DHX37: variants seen among roughly 807,000 people sequenced by gnomAD.
DHX37 encodes the protein DEAH-box helicase 37.
In DHX37, 52 loss-of-function variants were observed where a neutral mutation model predicts 134.3. That is an observed-to-expected ratio of 0.39 (90% CI 0.31 to 0.49). The LOEUF (loss-of-function observed/expected upper bound fraction) is 0.49. DHX37 is among the 20% of genes least tolerant of loss of function. DHX37 has a pLI of 0.93. For synonymous variants in DHX37, 634 were observed against 670.7 expected (o/e 0.95, Z 0.85); for missense variants, 1,344 against 1,580.8 (o/e 0.85, Z 2.54).
chr12:124,948,285 C>G, intron 25 of DHX37, 104 bp from the exon 26 acceptor site: 1 of 1,481,734 alleles, frequency 6.7e-7, no homozygotes, highest in Non-Finnish European at 9.0e-7. Context: ...CCAGCCCCAC[C>G]CAGGAGGGTG....
rs1954746136 is a variant in DHX37, at chr12:124,980,861, A to G, written c.390-23T>C. 1.3e-6 allele frequency: 2 copies of G among 1,540,622 alleles called. No homozygotes were observed. Among genetic ancestry groups the G allele is most frequent in the African/African-American group, 2.7e-5 (2 of 73,148 alleles). On this transcript the variant is annotated intron_variant, in intron 3 of 26. Transcript: ENST00000308736. The surrounding 1 kb of genome is among the most constrained non-coding windows in gnomAD (Gnocchi z 5.3). ...TTCCTGTTGAGATAGCAGAGACTTCAGGCACAGAGGCCCCACCTCAATCCC... is the reference window on the plus strand; with the variant it reads ...TTCCTGTTGAGATAGCAGAGACTTCGGGCACAGAGGCCCCACCTCAATCCC...
rs374843815 is a variant in DHX37, at chr12:124,949,153, G to T, written c.3290+833C>A. On this transcript the variant is annotated intron_variant, in intron 25 of 26. Transcript: ENST00000308736. The surrounding 1 kb of genome is among the most constrained non-coding windows in gnomAD (Gnocchi z 4.0). ...GCAACGCTGCTGTGGGACAGAGATC[G>T]TGTCTGTATCCCAGCCCCGAGAACA... 3.0e-4 allele frequency among the ~76,000 whole-genome samples: 46 copies of T among 152,320 alleles called. No individual in the cohort carries two copies. The highest frequency in any genetic ancestry group is 9.6e-4 in the African/African-American group (40 of 41,558).
At chr12:124,968,679 G>A (rs543175724) in intron 9 of DHX37, 31 bp from the exon 10 acceptor site, 13 of 1,603,212 alleles carry the variant, frequency 8.1e-6, no homozygotes, top group Non-Finnish European at 1.1e-5. Flanking sequence ...CATGGGGAGT[G>A]GGGGGGACAC....
intron 1 of DHX37, among the ~76,000 whole-genome samples, chr12:124,986,897 C>A (rs1022963620): frequency 4.0e-5 from 6 of 150,402 alleles, no homozygotes; most frequent in African/African-American, 1.5e-4. Context: ...AGGCATGTAC[C>A]ACCACGCCCC....
In DHX37 at chr12:124,950,380, G is replaced by A. The variant is rs1314322891; in HGVS notation, c.3121+33C>T. On this transcript the variant is annotated intron_variant, in intron 23 of 26. Transcript: ENST00000308736. ...TCCGAGAAGCCCACGGCTGCAGGAGGCTCAGGTTGCCCAGGACACTGCCCC... is the reference window on the plus strand; with the variant it reads ...TCCGAGAAGCCCACGGCTGCAGGAGACTCAGGTTGCCCAGGACACTGCCCC... 4 of 1,595,654 alleles carry A rather than the reference G, an allele frequency of 2.5e-6. No homozygotes were observed. In the Admixed American group the frequency reaches 6.9e-5, roughly 27 times the overall value.
intron 3 of DHX37, 113 bp downstream of exon 3, chr12:124,982,398 A>G (rs1036261692): frequency 2.4e-5 from 34 of 1,389,542 alleles, no homozygotes; most frequent in Non-Finnish European, 3.3e-5. Context: ...CACTCAGGCC[A>G]CCATAAAGGT....
intron 21 of DHX37, among the ~76,000 whole-genome samples, chr12:124,951,497 T>A (rs1358196783): frequency 6.6e-6 from 1 of 151,906 alleles, no homozygotes; most frequent in Non-Finnish European, 1.5e-5. Context: ...ATATGTGGGG[T>A]TTCTTTGTTG....
chr12:124,950,358 G>T, intron 23 of DHX37, 55 bp downstream of exon 23: 1 of 1,594,158 alleles, frequency 6.3e-7, no homozygotes, highest in Non-Finnish European at 8.5e-7. Flanking sequence ...CCGTGTGTCC[G>T]AGAAGCCCAC....
chr12:124,959,723 T>G (rs1176051718), intron 16 of DHX37, among the ~76,000 whole-genome samples: 1 of 152,250 alleles, frequency 6.6e-6, no homozygotes, highest in East Asian at 1.9e-4. Flanking sequence ...GAAGTTTTTA[T>G]GATTTTGAAC....
At position 124,948,119 on chromosome 12, in the gene DHX37, T is replaced by G. The variant is rs1247392146; in HGVS notation, c.3353A>C (p.Glu1118Ala). Residue 1118 changes from glutamate to alanine, a missense_variant, in exon 26 of 27, where the codon GAA (glutamate) becomes GCA (alanine). Transcript: ENST00000308736. ...TTTCTTCCAAGCAGCCAGCAAGGCT[T>G]CATGGCAGTCAGCCTTCTCTGCAAC... ...ALVAEKADCH[E>A]ALLAAWKKNP... 1.2e-6 allele frequency: 2 copies of G among 1,614,104 alleles called. No individual in the cohort carries two copies. The highest frequency in any genetic ancestry group is 1.7e-6 in the Non-Finnish European group (2 of 1,180,036).
At chr12:124,981,022 G>T (rs532987533) in intron 3 of DHX37, among the ~76,000 whole-genome samples, 184 bp from the exon 4 acceptor site, 1 of 151,950 alleles carries the variant, frequency 6.6e-6, no homozygotes, top group Non-Finnish European at 1.5e-5. Flanking sequence ...TAGCTGTCAG[G>T]GAGACTCCCT....
At chr12:124,961,302 GCACGCACA>G (rs1472868283) in intron 15 of DHX37, among the ~76,000 whole-genome samples, 42 of 139,674 alleles carry the variant, frequency 3.0e-4, no homozygotes, top group African/African-American at 1.1e-3. Flanking sequence ...ACGCGTGCAC[GCACGCACA>G]CACACTTACA....
In DHX37 at chr12:124,975,434, ATC is replaced by A; in HGVS notation, c.963_964del (p.Glu321AspfsTer15). 6.2e-7 allele frequency: 1 copy of A among 1,612,988 alleles called. No homozygotes were observed. ...GAGCCCTCACCGCTGGGACAGATTC[ATC>A]TCCTTGGCCACTCGCTGGGACATGG... On this transcript the variant is annotated frameshift_variant, in exon 6 of 27. Transcript: ENST00000308736. LOFTEE classifies it high-confidence loss of function.
At position 124,948,299 on chromosome 12, in the gene DHX37, A is replaced by T. The variant is rs146075601; in HGVS notation, c.3291-118T>A. The T allele has an allele frequency of 4.6e-4, 672 of 1,461,086 alleles. 4 individuals are homozygous for T. The African/African-American group carries it at 8.7e-3, about 19-fold the overall frequency. 90.5% of individuals were successfully genotyped at this position (1,461,086 alleles called of 1,614,324 possible). On this transcript the variant is annotated intron_variant, in intron 25 of 26. Transcript: ENST00000308736. ...ACCAGCCCCACCCAGGAGGGTGAAG[A>T]GCTGGCTGGGCATGGTGACATGCAC... is the stretch of plus-strand genomic sequence containing the variant.
chr12:124,988,707 A>C (rs536597751), intron 1 of DHX37, among the ~76,000 whole-genome samples: 25 of 152,134 alleles, frequency 1.6e-4, no homozygotes, highest in African/African-American at 5.8e-4. Context: ...TTTGAGGGCG[A>C]GAGAAATCCC....
At chr12:124,947,987 T>C in intron 26 of DHX37, 97 bp downstream of exon 26, 1 of 1,613,116 alleles carries the variant, frequency 6.2e-7, no homozygotes, top group Non-Finnish European at 8.5e-7. Context: ...GCCAGATCCT[T>C]CTGCCAAGCC....
intron 5 of DHX37, 149 bp downstream of exon 5, chr12:124,977,193 A>G: frequency 1.0e-6 from 1 of 956,284 alleles, no homozygotes. Context: ...GCTGGGGCCC[A>G]GAGAGGTTAA....
intron 18 of DHX37, among the ~76,000 whole-genome samples, chr12:124,955,113 C>T (rs536127991): frequency 6.6e-6 from 1 of 152,324 alleles, no homozygotes; most frequent in Non-Finnish European, 1.5e-5. Context: ...GTTTTCAAGA[C>T]CTTACATGTA....
In DHX37 at chr12:124,957,023, C is replaced by A; in HGVS notation, c.2264+6G>T. ...AGGAACTGGGCTCTGCATCTCTTGG[C>A]CTTACCTTTCTGCTTTCTGGGGCGG... is the stretch of plus-strand genomic sequence containing the variant. On this transcript the variant is annotated splice_donor_region_variant and intron_variant, in intron 17 of 26. Coordinates refer to ENST00000308736, the MANE Select transcript of DHX37 (RefSeq NM_032656.4). The A allele has an allele frequency of 6.6e-7, 1 of 1,518,012 alleles. No individual in the cohort carries two copies. The highest frequency in any genetic ancestry group is 8.8e-7 in the Non-Finnish European group (1 of 1,136,464). The allele number at this position is 1,518,012 out of a possible 1,614,324, so 94.0% of individuals were successfully genotyped here.
Sources: gnomAD v4.1 joint callset for allele counts (sites outside exome capture counted in the v4.1 genomes callset) on GRCh38, gnomAD v4.1.1 for gene constraint, Gnocchi (gnomAD v3.1) non-coding constraint, MANE v1.5 for transcripts, NCBI Gene and HGNC (gene_info 2026-07-23, HGNC 2026-07-21) for gene names.